Variants in SCARB1 observed in about 807,000 individuals in gnomAD.
The protein encoded by SCARB1 is scavenger receptor class B member 1, also known as CD36 and LIMPII analogous 1.
SCARB1 carries 30 observed loss-of-function variants against 57.2 expected under a neutral mutation model. The observed-to-expected ratio is 0.52, with a 90% confidence interval of 0.39 to 0.71. The LOEUF is 0.71. SCARB1 is among the 30% of genes least tolerant of loss of function. The probability of loss-of-function intolerance (pLI) is 0.00; values close to 1 mark genes in which losing one functional copy is unlikely to be tolerated. For synonymous variants in SCARB1, 249 were observed against 268.3 expected (o/e 0.93, Z 0.70); for missense variants, 543 against 671.2 (o/e 0.81, Z 2.11).
intron 1 of SCARB1, among the ~76,000 whole-genome samples, chr12:124,859,367 A>C (rs183412594): frequency 6.6e-6 from 1 of 152,174 alleles, no homozygotes; most frequent in African/African-American, 2.4e-5. Flanking sequence ...CTCTACTAAA[A>C]ATACAAAAAA....
At chr12:124,863,135 GTCC>G (rs1952969922) in intron 1 of SCARB1, among the ~76,000 whole-genome samples, 2 of 152,320 alleles carry the variant, frequency 1.3e-5, no homozygotes, top group African/African-American at 4.8e-5. Flanking sequence ...GAAGGTTCCT[GTCC>G]TCCTGGGCTC....
chr12:124,800,369 G>T lies in SCARB1; in HGVS notation c.1010-127C>A. 1.5e-6 allele frequency: 1 copy of T among 676,058 alleles called. No individual in the cohort carries two copies. Among genetic ancestry groups the T allele is most frequent in the Admixed American group, 2.4e-5 (1 of 41,616 alleles). The allele number at this position is 676,058 out of a possible 1,614,324, so 41.9% of individuals were successfully genotyped here. A position where few individuals can be genotyped will look rare whatever the true frequency, so the allele number is the denominator to read the frequency against. ...GTGGCGATGACAAGATAACCAGACA[G>T]AGAGGATCCCTTCCTCCATTCTGTA... On this transcript the variant is annotated intron_variant, in intron 7 of 12. Transcript: ENST00000261693. This position sits in a 1 kb window ranked among gnomAD's most constrained non-coding sequence, Gnocchi z 4.8.
At chr12:124,819,166 C>T (rs561255811) in intron 1 of SCARB1, among the ~76,000 whole-genome samples, 13 of 151,212 alleles carry the variant, frequency 8.6e-5, no homozygotes, top group African/African-American at 2.9e-4. Context: ...AGAAAAAGAA[C>T]ACACACAAAC....
chr12:124,817,492 A>AC lies in SCARB1; in HGVS notation c.284+57dup. On this transcript the variant is annotated intron_variant, in intron 2 of 12. Transcript: ENST00000261693. This position sits in a 1 kb window ranked among gnomAD's most constrained non-coding sequence, Gnocchi z 4.8. ...GCCTCCCCATCCCGTCCACTCTGAG[A>AC]CCCCTCCCCTGCCCAGCCTCAGCCG... is the stretch of plus-strand genomic sequence containing the variant. 1.9e-6 allele frequency: 3 copies of AC among 1,569,650 alleles called. No homozygotes were observed.
intron 6 of SCARB1, among the ~76,000 whole-genome samples, chr12:124,808,229 G>A (rs1436161125): frequency 6.6e-6 from 1 of 152,212 alleles, no homozygotes; most frequent in African/African-American, 2.4e-5. Flanking sequence ...GCCGAGGTGG[G>A]AGGATCACTT....
chr12:124,778,321 G>A lies in SCARB1; in HGVS notation c.*266C>T. On this transcript the variant is annotated 3_prime_UTR_variant, in exon 13 of 13. Transcript: ENST00000261693. ...TGGGCCACGTGGAGAGAAGGTTCCA[G>A]AACAGTGCTTGTTGACGAGCCTCTC... 1.2e-6 allele frequency: 1 copy of A among 819,650 alleles called. No homozygotes were observed. Among genetic ancestry groups the A allele is most frequent in the Non-Finnish European group, 1.6e-6 (1 of 609,772 alleles). The allele number at this position is 819,650 out of a possible 1,614,324, so 50.8% of individuals were successfully genotyped here.
chr12:124,817,461 T>C lies in SCARB1; in HGVS notation c.284+89A>G. On this transcript the variant is annotated intron_variant, in intron 2 of 12. Coordinates refer to ENST00000261693, the MANE Select transcript of SCARB1 (RefSeq NM_005505.5). This position sits in a 1 kb window ranked among gnomAD's most constrained non-coding sequence, Gnocchi z 4.8. Reference sequence around the variant, plus strand: ...TTCCGGAACAATCTCTGGGGCTCAGTCAGCAGCCTCCCCATCCCGTCCACT... The same window carrying C: ...TTCCGGAACAATCTCTGGGGCTCAGCCAGCAGCCTCCCCATCCCGTCCACT... 1 of 1,332,354 alleles carries C rather than the reference T, an allele frequency of 7.5e-7. No individual in the cohort carries two copies. The highest frequency in any genetic ancestry group is 1.1e-6 in the Non-Finnish European group (1 of 951,264). The allele number at this position is 1,332,354 out of a possible 1,614,324, so 82.5% of individuals were successfully genotyped here.
intron 9 of SCARB1, among the ~76,000 whole-genome samples, chr12:124,787,683 A>T (rs1206608724): frequency 6.6e-6 from 1 of 151,954 alleles, no homozygotes; most frequent in Non-Finnish European, 1.5e-5. Context: ...TGTAAATAAG[A>T]CTAACTTTAA....
intron 1 of SCARB1, among the ~76,000 whole-genome samples, chr12:124,834,304 C>T (rs35518529): frequency 6.6e-6 from 1 of 152,238 alleles, no homozygotes; most frequent in Admixed American, 6.5e-5. Context: ...AACTTCCAGG[C>T]TGGGCCGGGA....
chr12:124,793,374 A>G (rs1949799174), intron 9 of SCARB1, among the ~76,000 whole-genome samples: 1 of 152,014 alleles, frequency 6.6e-6, no homozygotes. Context: ...GTGGGGAGGA[A>G]CTGGAACCCT....
chr12:124,858,878 CAA>C (rs1353288326), intron 1 of SCARB1, among the ~76,000 whole-genome samples: 11 of 123,286 alleles, frequency 8.9e-5, no homozygotes, highest in Admixed American at 8.3e-5. Flanking sequence ...GACTCCGTCT[CAA>C]AAAAAAAAAA....
chr12:124,811,730 C>G, intron 5 of SCARB1, 140 bp downstream of exon 5: 1 of 681,740 alleles, frequency 1.5e-6, no homozygotes, highest in East Asian at 2.7e-5. Flanking sequence ...CCTCCAACTT[C>G]AAGAGTGTTC....
chr12:124,846,240 T>C (rs1050508840), intron 1 of SCARB1, among the ~76,000 whole-genome samples: 1 of 152,192 alleles, frequency 6.6e-6, no homozygotes. Context: ...ACTCAATAAA[T>C]TATTAAATGA....
chr12:124,837,570 A>G (rs1462142797), intron 1 of SCARB1, among the ~76,000 whole-genome samples: 1 of 19,690 alleles, frequency 5.1e-5, no homozygotes, highest in Non-Finnish European at 1.7e-4. Flanking sequence ...AAAGAAAAGA[A>G]AAGAAAAGAA....
chr12:124,843,363 C>T (rs1011092797), intron 1 of SCARB1, among the ~76,000 whole-genome samples: 1 of 151,898 alleles, frequency 6.6e-6, no homozygotes, highest in Non-Finnish European at 1.5e-5. Context: ...CCCACCTCTG[C>T]CTCGCTAAGT....
intron 1 of SCARB1, among the ~76,000 whole-genome samples, chr12:124,857,107 C>T (rs1412313171): frequency 6.6e-6 from 1 of 152,088 alleles, no homozygotes; most frequent in South Asian, 2.1e-4. Context: ...CTCAGACACA[C>T]GGAGAACCGG....
At chr12:124,858,265 G>A (rs959246926) in intron 1 of SCARB1, among the ~76,000 whole-genome samples, 1 of 152,184 alleles carries the variant, frequency 6.6e-6, no homozygotes, top group African/African-American at 2.4e-5. Flanking sequence ...TAAATCATAT[G>A]TCACGGCCCT....
intron 1 of SCARB1, among the ~76,000 whole-genome samples, chr12:124,861,708 G>A (rs534220393): frequency 1.6e-4 from 25 of 152,256 alleles, no homozygotes; most frequent in African/African-American, 5.1e-4. Context: ...CACACCACTC[G>A]GCCCCAAACC....
At chr12:124,804,671 A>G (rs939510032) in intron 7 of SCARB1, among the ~76,000 whole-genome samples, 8 of 152,230 alleles carry the variant, frequency 5.3e-5, no homozygotes, top group African/African-American at 1.9e-4. Flanking sequence ...CCCAGGCCCC[A>G]GCTCCAAACC....
Sources: gnomAD v4.1 joint callset for allele counts (sites outside exome capture counted in the v4.1 genomes callset) on GRCh38, gnomAD v4.1.1 for gene constraint, Gnocchi (gnomAD v3.1) non-coding constraint, MANE v1.5 for transcripts, NCBI Gene and HGNC (gene_info 2026-07-23, HGNC 2026-07-21) for gene names.